NMT2: variants seen among roughly 807,000 people sequenced by gnomAD.
The protein encoded by NMT2 is glycylpeptide N-tetradecanoyltransferase 2.
In NMT2, 35 loss-of-function variants were observed where a neutral mutation model predicts 65.4. That is an observed-to-expected ratio of 0.54 (90% confidence interval 0.41 to 0.71). The LOEUF is 0.71. NMT2 is among the 30% of genes least tolerant of loss of function. The pLI is 0.00. For synonymous variants in NMT2, 226 were observed against 231.8 expected (o/e 0.98, Z 0.23); for missense variants, 489 against 611.3 (o/e 0.80, Z 2.11).
intron 1 of NMT2, among the ~76,000 whole-genome samples, chr10:15,166,950 C>G (rs938799021): frequency 1.3e-5 from 2 of 152,110 alleles, no homozygotes; most frequent in African/African-American, 4.8e-5. Context: ...AAAGGAGGAA[C>G]AATAAACAGA....
Position 15,155,232 on chromosome 10 carries a change from G to A in NMT2, c.110+13271C>T, listed in dbSNP as rs778482936. The stretch of plus-strand genomic sequence containing the variant: ...CAGAGCACGAAAGTTTTCTGTCTTT[G>A]GAAACTTGTCTGCAAACAGTTCGAA... On this transcript the variant is annotated intron_variant, in intron 1 of 11. Coordinates refer to ENST00000378165, the MANE Select transcript of NMT2 (RefSeq NM_004808.3). The A allele has an allele frequency of 3.3e-6, 5 of 1,512,028 alleles. No homozygotes were observed. The African/African-American group carries it at 6.9e-5, about 21-fold the overall frequency. 93.7% of individuals were successfully genotyped at this position (1,512,028 alleles called of 1,614,324 possible).
chr10:15,148,476 A>G (rs1284965993), intron 1 of NMT2, among the ~76,000 whole-genome samples: 1 of 152,152 alleles, frequency 6.6e-6, no homozygotes, highest in African/African-American at 2.4e-5. Flanking sequence ...TCGTGCCACT[A>G]CAGTCAGCCT....
chr10:15,135,402 A>G lies in NMT2; in HGVS notation c.263T>C (p.Met88Thr), dbSNP rs1846445577. The change falls in exon 3 of 12, where the codon ATG (methionine) becomes ACG (threonine). Residue 88 changes from methionine to threonine, a missense_variant. Coordinates refer to ENST00000378165, the MANE Select transcript of NMT2 (RefSeq NM_004808.3). ...QQPSKNPSVPMQKLQDIQRAM... is the reference protein window; with the variant it reads ...QQPSKNPSVPTQKLQDIQRAM... ...TCTCTGGATATCCTGCAACTTCTGC[A>G]TTGGAACACTGGGATTCTACGACAG... 2 of 1,614,114 alleles carry G rather than the reference A, an allele frequency of 1.2e-6. No individual in the cohort carries two copies. The highest frequency in any genetic ancestry group is 1.7e-6 in the Non-Finnish European group (2 of 1,179,994).
At chr10:15,136,163 G>A (rs1440469622) in intron 2 of NMT2, among the ~76,000 whole-genome samples, 3 of 151,008 alleles carry the variant, frequency 2.0e-5, no homozygotes, top group Non-Finnish European at 2.9e-5. Flanking sequence ...GGAGGTTGCA[G>A]TGAGCTGAGA....
At chr10:15,111,723 G>T (rs113150434) in intron 10 of NMT2, 121 of 151,730 alleles carry the variant, frequency 8.0e-4, no homozygotes, top group African/African-American at 2.8e-3. Context: ...GGCCATATTT[G>T]GGAAGTGTTG....
intron 6 of NMT2, among the ~76,000 whole-genome samples, chr10:15,131,556 G>A (rs1360643239): frequency 1.3e-5 from 2 of 152,112 alleles, no homozygotes; most frequent in Admixed American, 6.6e-5. Context: ...AAACCCCTGG[G>A]ACCCCTGAGA....
intron 1 of NMT2, among the ~76,000 whole-genome samples, chr10:15,156,977 GTTCT>G (rs1310972111): frequency 1.3e-5 from 2 of 151,862 alleles, no homozygotes; most frequent in African/African-American, 2.4e-5. Context: ...GCTTTCACTG[GTTCT>G]TTCTTCAGTT....
chr10:15,164,522 G>A (rs1401737417), intron 1 of NMT2, among the ~76,000 whole-genome samples: 10 of 152,172 alleles, frequency 6.6e-5, no homozygotes, highest in Admixed American at 5.9e-4. Context: ...AAGAGATCAT[G>A]ACCAATACCA....
chr10:15,121,980 C>T (rs916020288), intron 8 of NMT2, among the ~76,000 whole-genome samples: 1 of 151,732 alleles, frequency 6.6e-6, no homozygotes, highest in African/African-American at 2.4e-5. Flanking sequence ...CTCTCAAAAC[C>T]AATGAGTCAG....
In NMT2 at chr10:15,109,036, G is replaced by A. The variant is rs181147079; in HGVS notation, c.*159C>T. 17 of 1,467,862 alleles carry A rather than the reference G, an allele frequency of 1.2e-5. No homozygotes were observed. The highest frequency in any genetic ancestry group is 1.1e-4 in the Admixed American group (4 of 35,768). The allele number at this position is 1,467,862 out of a possible 1,614,324, so 90.9% of individuals were successfully genotyped here. On this transcript the variant is annotated 3_prime_UTR_variant, in exon 12 of 12. Transcript: ENST00000378165. ...GAAGTTTAACATTCTAGCTAGAAAC[G>A]TACAAATGTCACATGTGGACTTTTG... is the stretch of plus-strand genomic sequence containing the variant.
chr10:15,113,859 C>T (rs1845657451), intron 9 of NMT2, among the ~76,000 whole-genome samples: 3 of 152,166 alleles, frequency 2.0e-5, no homozygotes, highest in Admixed American at 1.3e-4. Flanking sequence ...ATTTCATCAT[C>T]ACTGGCAAAG....
chr10:15,107,367 A>T lies in NMT2; in HGVS notation c.*1828T>A, dbSNP rs1845341106. On this transcript the variant is annotated 3_prime_UTR_variant, in exon 12 of 12. Coordinates refer to ENST00000378165, the MANE Select transcript of NMT2 (RefSeq NM_004808.3). ...ATATGATTGGTTTCACTGGACTCAT[A>T]ACTTGAAGGAAATGCCATCATGTCT... is the stretch of plus-strand genomic sequence containing the variant. 1.0e-6 allele frequency: 1 copy of T among 985,306 alleles called. No individual in the cohort carries two copies. The highest frequency in any genetic ancestry group is 1.7e-5 in the African/African-American group (1 of 57,244). 61.0% of individuals were successfully genotyped at this position (985,306 alleles called of 1,614,324 possible).
chr10:15,161,329 A>G (rs961376571), intron 1 of NMT2, among the ~76,000 whole-genome samples: 1 of 151,972 alleles, frequency 6.6e-6, no homozygotes, highest in Non-Finnish European at 1.5e-5. Context: ...GTTAAAGAAG[A>G]AAAAGACAGG....
intron 8 of NMT2, among the ~76,000 whole-genome samples, chr10:15,126,208 C>A (rs955130758): frequency 6.6e-6 from 1 of 150,784 alleles, no homozygotes; most frequent in African/African-American, 2.4e-5. Flanking sequence ...GCGGGTGGAT[C>A]ACCTGAGGTC....
intron 1 of NMT2, among the ~76,000 whole-genome samples, chr10:15,158,213 G>A (rs1268941028): frequency 1.3e-5 from 2 of 151,998 alleles, no homozygotes; most frequent in African/African-American, 2.4e-5. Context: ...CTACTTGGGA[G>A]GCTGAGGCAG....
intron 1 of NMT2, among the ~76,000 whole-genome samples, chr10:15,158,924 C>T (rs1016360806): frequency 1.3e-5 from 2 of 152,102 alleles, no homozygotes; most frequent in Non-Finnish European, 2.9e-5. Flanking sequence ...TATTTACCCC[C>T]CAAAGGTGCC....
At chr10:15,168,363 G>A in intron 1 of NMT2, 140 bp downstream of exon 1, 1 of 591,306 alleles carries the variant, frequency 1.7e-6, no homozygotes, top group Non-Finnish European at 2.9e-6. Context: ...ACCTCACCAT[G>A]GGCTCCGCGC....
At chr10:15,132,790 A>T in intron 6 of NMT2, 27 bp downstream of exon 6, 1 of 1,473,628 alleles carries the variant, frequency 6.8e-7, no homozygotes, top group Non-Finnish European at 9.4e-7. Flanking sequence ...ACATATAAAA[A>T]CCGCATGGAC....
chr10:15,164,129 G>C (rs1833296054), intron 1 of NMT2, among the ~76,000 whole-genome samples: 1 of 146,626 alleles, frequency 6.8e-6, no homozygotes. Flanking sequence ...CTTGCAGTGA[G>C]CCGAGATCGC....
Sources: allele counts gnomAD v4.1 joint callset (sites outside exome capture counted in the v4.1 genomes callset), GRCh38; gene constraint gnomAD v4.1.1; transcripts MANE v1.5; gene names NCBI Gene and HGNC (gene_info 2026-07-23, HGNC 2026-07-21).